NUDT3: variants seen among roughly 807,000 people sequenced by gnomAD.
NUDT3 encodes nudix hydrolase 3.
Under a neutral mutation model 23.6 loss-of-function variants are expected in NUDT3, and 9 were observed. The observed-to-expected ratio is 0.38, with a 90% CI of 0.23 to 0.66. The LOEUF is 0.66. NUDT3 is among the 30% of genes least tolerant of loss of function. NUDT3 has a pLI of 0.52. For missense variants in NUDT3, 172 were observed against 218.5 expected, an observed-to-expected ratio of 0.79 and a Z score of 1.34; for synonymous variants, 86 against 82.6, an observed-to-expected ratio of 1.04 and a Z score of -0.22.
chr6:34,306,799 A>G (rs1287532527), intron 2 of NUDT3, among the ~76,000 whole-genome samples: 2 of 152,242 alleles, frequency 1.3e-5, no homozygotes, highest in Non-Finnish European at 2.9e-5. Flanking sequence ...GTAAAAAGAT[A>G]TCTTTAATTC....
intron 1 of NUDT3, among the ~76,000 whole-genome samples, chr6:34,360,515 C>T (rs766332884): frequency 5.3e-5 from 8 of 151,942 alleles, no homozygotes; most frequent in Non-Finnish European, 7.4e-5. Context: ...TGGAGGTTGC[C>T]GTGAGCCGAG....
chr6:34,382,552 T>C (rs1406705169), intron 1 of NUDT3, among the ~76,000 whole-genome samples: 1 of 152,088 alleles, frequency 6.6e-6, no homozygotes, highest in East Asian at 1.9e-4. Context: ...ACACCTGTAA[T>C]CCCAGCACTT....
At chr6:34,365,997 C>T (rs932643406) in intron 1 of NUDT3, among the ~76,000 whole-genome samples, 3 of 152,032 alleles carry the variant, frequency 2.0e-5, no homozygotes, top group Admixed American at 6.6e-5. Flanking sequence ...GCCAAGATTG[C>T]GCCACTGCAC....
At chr6:34,317,832 A>G (rs17629180) in intron 2 of NUDT3, among the ~76,000 whole-genome samples, 14,371 of 152,220 alleles carry the variant, frequency 0.094, 790 homozygotes, top group Non-Finnish European at 0.12. Context: ...ATAGTTCTTC[A>G]TGGATTACTT....
At chr6:34,336,106 T>C (rs1166862024) in intron 2 of NUDT3, among the ~76,000 whole-genome samples, 2 of 152,138 alleles carry the variant, frequency 1.3e-5, no homozygotes, top group African/African-American at 4.8e-5. Flanking sequence ...CCGTCTCTAC[T>C]AAAAATACAA....
rs1763373946 is a variant in NUDT3 at position 34,288,879 on chromosome 6, A to G, written c.393T>C (p.Tyr131=). 1 of 1,613,870 alleles carries G rather than the reference A, an allele frequency of 6.2e-7. No individual in the cohort carries two copies. The highest frequency in any genetic ancestry group is 1.1e-5 in the South Asian group (1 of 91,054). The stretch of plus-strand genomic sequence containing the variant: ...AATATGATGCCTGCACGGGTTTGTG[A>G]TACTGCAGCACTTTTATGGCGTCTT... ...KIEDAIKVLQ[Y]HKPVQASYFE... The change falls in exon 5 of 5, where the codon TAT becomes TAC. Residue 131 remains tyrosine (Y), a synonymous_variant. Transcript: ENST00000607016.
chr6:34,377,223 C>T (rs1349707466), intron 1 of NUDT3, among the ~76,000 whole-genome samples: 3 of 152,036 alleles, frequency 2.0e-5, no homozygotes, highest in South Asian at 2.1e-4. Flanking sequence ...AAATGCCTAA[C>T]GGTAATTTAA....
chr6:34,392,237 C>G (rs1330338291), intron 1 of NUDT3, 27 bp downstream of exon 1: 19 of 1,545,084 alleles, frequency 1.2e-5, no homozygotes, highest in Non-Finnish European at 1.7e-5. Flanking sequence ...ACCCGGCGAC[C>G]CCGGCCCGCC....
intron 1 of NUDT3, among the ~76,000 whole-genome samples, chr6:34,345,717 G>C (rs1561913401): frequency 2.1e-5 from 3 of 145,734 alleles, no homozygotes; most frequent in Admixed American, 2.0e-4. Flanking sequence ...TTTTCCCCCA[G>C]AGTCTACACC....
intron 2 of NUDT3, among the ~76,000 whole-genome samples, chr6:34,297,741 A>ATG (rs1561898979): frequency 7.9e-5 from 8 of 100,886 alleles, no homozygotes; most frequent in African/African-American, 3.9e-4. Context: ...ATATATATAT[A>ATG]TATATATATA....
intron 1 of NUDT3, among the ~76,000 whole-genome samples, chr6:34,362,842 T>C (rs1327130236): frequency 1.3e-5 from 2 of 152,164 alleles, no homozygotes; most frequent in Non-Finnish European, 2.9e-5. Flanking sequence ...TATTTCTGTT[T>C]TACACTTGAG....
intron 2 of NUDT3, among the ~76,000 whole-genome samples, chr6:34,328,478 C>T (rs1158687987): frequency 3.9e-5 from 6 of 152,228 alleles, no homozygotes; most frequent in East Asian, 1.9e-4. Context: ...AATGAAAAAA[C>T]GGAAAGTACA....
chr6:34,297,749 ATATATATATAATTTTT>A (rs1763531746), intron 2 of NUDT3, among the ~76,000 whole-genome samples: 13 of 103,328 alleles, frequency 1.3e-4, no homozygotes, highest in African/African-American at 3.9e-4. Context: ...ATATATATAT[ATATATATATAATTTTT>A]TTTTTTTTTT....
chr6:34,345,038 TTTTTG>T (rs750277811), intron 1 of NUDT3, among the ~76,000 whole-genome samples: 39 of 151,416 alleles, frequency 2.6e-4, no homozygotes, highest in African/African-American at 5.1e-4. Context: ...CAATCACAGT[TTTTTG>T]TTTTGTTTTG....
intron 2 of NUDT3, among the ~76,000 whole-genome samples, chr6:34,332,644 TATATGGGAGG>T (rs1241590134): frequency 6.6e-6 from 1 of 152,186 alleles, no homozygotes; most frequent in Non-Finnish European, 1.5e-5. Context: ...TGATCTAAAG[TATATGGGAGG>T]ATATGTGTAG....
At chr6:34,344,338 C>T (rs55833185) in intron 1 of NUDT3, among the ~76,000 whole-genome samples, 14,621 of 152,014 alleles carry the variant, frequency 0.096, 807 homozygotes, top group Non-Finnish European at 0.12. Context: ...GGCCTATACA[C>T]ACAATGGAAT....
rs532597293 is a variant in NUDT3, at chr6:34,369,718, AT to A, written c.99+22545del. On this transcript the variant is annotated intron_variant, in intron 1 of 4. Transcript: ENST00000607016. Reference sequence around the variant, plus strand: ...CATGTCACTTCAGTACAATGAAAAGATTTTTTAAAATTCTACTGAATATTAT... The same window carrying A: ...CATGTCACTTCAGTACAATGAAAAGATTTTTAAAATTCTACTGAATATTAT... Among the ~76,000 whole-genome samples the A allele has an allele frequency of 1.7e-3, 265 of 152,284 alleles. 1 individual carries two copies. The highest frequency in any genetic ancestry group is 5.9e-3 in the African/African-American group (247 of 41,572).
Position 34,341,871 on chromosome 6 carries a change from G to A in NUDT3, c.201C>T (p.Val67=). Residue 67 remains valine, a synonymous_variant, in exon 2 of 5, where the codon GTC becomes GTT. Transcript: ENST00000607016. ...EEPSVAAVRE[V]CEEAGVKGTL... ...TCTTCTCCATGCATACCTCCTCACA[G>A]ACTTCACGAACTGCTGCCACACTTG... 1 of 1,613,906 alleles carries A rather than the reference G, an allele frequency of 6.2e-7. No homozygotes were observed. The highest frequency in any genetic ancestry group is 1.1e-5 in the South Asian group (1 of 91,074).
chr6:34,356,089 G>A (rs993521907), intron 1 of NUDT3, among the ~76,000 whole-genome samples: 4 of 152,174 alleles, frequency 2.6e-5, no homozygotes, highest in African/African-American at 9.7e-5. Context: ...GTTCCTGGCT[G>A]TGTCTGTGAT....
Sources: gnomAD v4.1 joint callset for allele counts (sites outside exome capture counted in the v4.1 genomes callset) on GRCh38, gnomAD v4.1.1 for gene constraint, MANE v1.5 for transcripts, NCBI Gene and HGNC (gene_info 2026-07-23, HGNC 2026-07-21) for gene names.